ERCC6: variants seen among roughly 807,000 people sequenced by gnomAD.
ERCC6 encodes the protein DNA excision repair protein ERCC-6.
A neutral mutation model predicts 158.7 loss-of-function variants in ERCC6; 116 were observed. The ratio of observed to expected loss-of-function variants is 0.73; its 90% confidence interval spans 0.63 to 0.85. ERCC6 has a LOEUF of 0.85. ERCC6 is among the 40% of genes least tolerant of loss of function. ERCC6 has a pLI of 0.00. For missense variants in ERCC6, 1,698 were observed against 1,799.4 expected, an observed-to-expected ratio of 0.94 and a Z score of 1.02; for synonymous variants, 678 against 659.3, an observed-to-expected ratio of 1.03 and a Z score of -0.43.
intron 5 of ERCC6, chr10:49,517,010 T>A (rs1836991903): frequency 6.2e-7 from 1 of 1,613,864 alleles, no homozygotes; most frequent in African/African-American, 1.3e-5. Context: ...CAGAAACAGG[T>A]GCTGTAGCAT....
At chr10:49,476,399 G>T (rs1265945273) in intron 11 of ERCC6, 89 bp from the exon 12 acceptor site, 1 of 860,032 alleles carries the variant, frequency 1.2e-6, no homozygotes, top group African/African-American at 1.7e-5. Context: ...CTGATCAAAA[G>T]AGCACAATGC....
At chr10:49,453,659 T>A (rs1277956779), downstream of ERCC6, among the ~76,000 whole-genome samples, 1 of 152,224 alleles carries the variant, frequency 6.6e-6, no homozygotes, top group Non-Finnish European at 1.5e-5. Flanking sequence ...TTAATACTTC[T>A]TATTAGGCAG....
intron 15 of ERCC6, 121 bp from the exon 16 acceptor site, chr10:49,472,591 A>C: frequency 2.0e-6 from 2 of 1,007,586 alleles, no homozygotes; most frequent in Non-Finnish European, 3.1e-6. Context: ...TTGACTCATG[A>C]CGTCAAGTAC....
chr10:49,442,541 AT>A, the ERCC6 span, among the ~76,000 whole-genome samples: 2 of 152,226 alleles, frequency 1.3e-5, no homozygotes, highest in Admixed American at 6.5e-5. Flanking sequence ...CATTAGTCAG[AT>A]TTTTCCTGTC....
intron 8 of ERCC6, among the ~76,000 whole-genome samples, chr10:49,488,926 A>G (rs1826552581): frequency 6.6e-6 from 1 of 151,986 alleles, no homozygotes; most frequent in South Asian, 2.1e-4. Flanking sequence ...TGGGACTACA[A>G]GGTGCCTGCC....
intron 4 of ERCC6, among the ~76,000 whole-genome samples, chr10:49,526,117 T>TATATATATA (rs1837326508): frequency 6.2e-4 from 27 of 43,578 alleles, no homozygotes; most frequent in African/African-American, 1.3e-3. Context: ...TTATATATTT[T>TATATATATA]TATATATATA....
At chr10:49,498,553 G>A (rs1440903867) in intron 7 of ERCC6, among the ~76,000 whole-genome samples, 1 of 152,090 alleles carries the variant, frequency 6.6e-6, no homozygotes, top group Admixed American at 6.6e-5. Context: ...AGGTGTTTGT[G>A]GTGCAGCACC....
rs773561749 is a variant in ERCC6 at position 49,524,699 on chromosome 10, T to C, written c.731A>G (p.Gln244Arg). ...GATCTGGGTACCAAAAGGTGTCATCTGGCCAGTGCGGATGAGCTCTTCCCA... is the reference window on the plus strand; with the variant it reads ...GATCTGGGTACCAAAAGGTGTCATCCGGCCAGTGCGGATGAGCTCTTCCCA... The part of the protein sequence containing the change: ...TAWEELIRTG[Q>R]MTPFGTQIPQ... Residue 244 changes from glutamine to arginine, a missense_variant, in exon 5 of 21, where the codon CAG becomes CGG. Physicochemically the swap from Gln to Arg is conservative, Grantham distance 43 (BLOSUM62 1). Transcript: ENST00000355832. 4 of 1,611,170 alleles carry C rather than the reference T, an allele frequency of 2.5e-6. No homozygotes were observed.
At chr10:49,535,249 A>C (rs768226710) in intron 1 of ERCC6, among the ~76,000 whole-genome samples, 3 of 152,256 alleles carry the variant, frequency 2.0e-5, no homozygotes, top group Non-Finnish European at 4.4e-5. Flanking sequence ...AGCAGCTTAC[A>C]TGTAATCAGT....
In ERCC6 at chr10:49,473,068, G is replaced by T. The variant is rs374902547; in HGVS notation, c.2710-40C>A. On this transcript the variant is annotated intron_variant, in intron 14 of 20. Transcript: ENST00000355832. ...CACAACACTGAGCACACACACTTAA[G>T]ACCAGTTACAGTTCTCAGCCTCTGC... 6.2e-6 allele frequency: 10 copies of T among 1,613,438 alleles called. No homozygotes were observed. The African/African-American group carries it at 1.2e-4, about 19-fold the overall frequency.
At chr10:49,536,731 G>A (rs1837607752) in intron 1 of ERCC6, among the ~76,000 whole-genome samples, 1 of 152,096 alleles carries the variant, frequency 6.6e-6, no homozygotes. Flanking sequence ...ACAATCTCCA[G>A]GGCTGAACAA....
At chr10:49,529,813 A>G (rs1231116123) in intron 3 of ERCC6, among the ~76,000 whole-genome samples, 1 of 152,128 alleles carries the variant, frequency 6.6e-6, no homozygotes, top group Non-Finnish European at 1.5e-5. Flanking sequence ...ATTGCAATGT[A>G]TTTTCACAAA....
intron 5 of ERCC6, among the ~76,000 whole-genome samples, chr10:49,518,058 T>C (rs776536408): frequency 1.3e-5 from 2 of 152,238 alleles, no homozygotes; most frequent in Non-Finnish European, 2.9e-5. Context: ...AGCCTAAAAT[T>C]GCTAAATCCT....
At chr10:49,525,002 T>TC in intron 4 of ERCC6, 1 of 1,097,570 alleles carries the variant, frequency 9.1e-7, no homozygotes, top group Non-Finnish European at 1.2e-6. Flanking sequence ...CAGTAACTTT[T>TC]CCCCAAAATA....
the ERCC6 span, among the ~76,000 whole-genome samples, chr10:49,444,838 C>T: frequency 6.6e-6 from 1 of 152,016 alleles, no homozygotes; most frequent in African/African-American, 2.4e-5. Context: ...ACACACAGCA[C>T]AGCAAAAAGT....
chr10:49,520,965 C>T (rs1266249837), intron 5 of ERCC6, among the ~76,000 whole-genome samples: 1 of 152,186 alleles, frequency 6.6e-6, no homozygotes, highest in Non-Finnish European at 1.5e-5. Flanking sequence ...TATATCTGAG[C>T]CACCCAACAA....
chr10:49,511,008 TAAC>T (rs1356786729), intron 5 of ERCC6, among the ~76,000 whole-genome samples: 2 of 143,834 alleles, frequency 1.4e-5, no homozygotes, highest in Non-Finnish European at 3.0e-5. Context: ...TAGAATCTTA[TAAC>T]AAAAAAAAAA....
At chr10:49,509,172 C>A (rs1215032688) in intron 5 of ERCC6, among the ~76,000 whole-genome samples, 2 of 152,122 alleles carry the variant, frequency 1.3e-5, no homozygotes, top group Non-Finnish European at 2.9e-5. Flanking sequence ...AACAGCAGCA[C>A]CTACTTCACT....
At chr10:49,453,871 CT>C (rs1850448324), downstream of ERCC6, among the ~76,000 whole-genome samples, 1 of 151,878 alleles carries the variant, frequency 6.6e-6, no homozygotes, top group Non-Finnish European at 1.5e-5. Context: ...AGTGATGTAT[CT>C]TTTTTTCACT....
Sources: allele counts gnomAD v4.1 joint callset (sites outside exome capture counted in the v4.1 genomes callset), GRCh38; gene constraint gnomAD v4.1.1; transcripts MANE v1.5; gene names NCBI Gene and HGNC (gene_info 2026-07-23, HGNC 2026-07-21).